The following KYNU variants were observed in gnomAD, a reference collection of about 807,000 sequenced individuals.
KYNU encodes L-kynurenine hydrolase.
KYNU carries 54 observed loss-of-function variants against 59.2 expected under a neutral mutation model. The ratio of observed to expected loss-of-function variants is 0.91; its 90% CI spans 0.73 to 1.14. KYNU has a LOEUF of 1.14. Among genes scored for constraint, KYNU ranks in the 50% most tolerant of loss-of-function variants. The probability of loss-of-function intolerance (pLI) is 0.00; values close to 1 mark genes in which losing one functional copy is unlikely to be tolerated. For synonymous variants in KYNU, 177 were observed against 192.0 expected, an observed-to-expected ratio of 0.92 and a Z score of 0.65; for missense variants, 567 against 554.4, an observed-to-expected ratio of 1.02 and a Z score of -0.23.
intron 4 of KYNU, among the ~76,000 whole-genome samples, chr2:142,929,240 T>A: frequency 6.7e-6 from 1 of 149,622 alleles, no homozygotes. Flanking sequence ...GAATTCTGAA[T>A]GGAATAGAAA....
At chr2:142,987,734 T>G (rs1685258882) in intron 10 of KYNU, among the ~76,000 whole-genome samples, 1 of 151,820 alleles carries the variant, frequency 6.6e-6, no homozygotes, top group African/African-American at 2.4e-5. Flanking sequence ...CACTTGAACA[T>G]TTAATATGGT....
intron 2 of KYNU, among the ~76,000 whole-genome samples, chr2:142,890,969 T>A (rs1426208204): frequency 6.6e-6 from 1 of 152,182 alleles, no homozygotes; most frequent in Non-Finnish European, 1.5e-5. Flanking sequence ...TAAGTGGTAA[T>A]GTTTCATTTT....
At chr2:142,937,078 G>A (rs1001212088) in intron 4 of KYNU, among the ~76,000 whole-genome samples, 15 of 152,142 alleles carry the variant, frequency 9.9e-5, no homozygotes, top group Admixed American at 7.9e-4. Context: ...CTAGTCTGTC[G>A]TAACTGCTAT....
At chr2:142,941,020 A>C (rs905612505) in intron 4 of KYNU, among the ~76,000 whole-genome samples, 2 of 152,218 alleles carry the variant, frequency 1.3e-5, no homozygotes, top group African/African-American at 4.8e-5. Flanking sequence ...CTTGGTACTT[A>C]AATGTGTTCA....
intron 4 of KYNU, among the ~76,000 whole-genome samples, chr2:142,953,735 T>A (rs1288564854): frequency 3.9e-5 from 6 of 152,192 alleles, no homozygotes; most frequent in Admixed American, 3.3e-4. Flanking sequence ...ACCTTGTCTG[T>A]CAAATGGAGA....
intron 3 of KYNU, among the ~76,000 whole-genome samples, chr2:142,927,278 A>G (rs755005262): frequency 1.3e-5 from 2 of 152,210 alleles, no homozygotes; most frequent in Non-Finnish European, 2.9e-5. Flanking sequence ...TTTAGTCTCT[A>G]GCCTTACAAA....
chr2:142,929,772 T>C (rs918868549), intron 4 of KYNU, among the ~76,000 whole-genome samples: 3 of 152,142 alleles, frequency 2.0e-5, no homozygotes, highest in African/African-American at 4.8e-5. Context: ...CTGGAATCAA[T>C]AGAAAGGAGT....
At chr2:142,970,337 C>T (rs16858429) in intron 8 of KYNU, among the ~76,000 whole-genome samples, 4,967 of 152,138 alleles carry the variant, frequency 0.033, 255 homozygotes, top group African/African-American at 0.11. Flanking sequence ...GCAGTGTCTT[C>T]GAGAATTGTC....
At chr2:142,907,416 A>C (rs940444293) in intron 2 of KYNU, among the ~76,000 whole-genome samples, 2 of 152,228 alleles carry the variant, frequency 1.3e-5, no homozygotes, top group Non-Finnish European at 2.9e-5. Flanking sequence ...TAGCCCGATC[A>C]GGAGTGGAAA....
rs757441564 is a variant in KYNU at position 143,044,617 on chromosome 2, C to G, written c.*2445C>G. ...AGTTTTTTTTCATATATTTGTTGGC[C>G]GCATAAATGTCTTCTTTTGAGAAGT... On this transcript the variant is annotated 3_prime_UTR_variant, in exon 14 of 14. Coordinates refer to ENST00000264170, the MANE Select transcript of KYNU (RefSeq NM_003937.3). The G allele has an allele frequency of 3.9e-5, 6 of 151,918 alleles. No individual in the cohort carries two copies. The South Asian group carries it at 1.2e-3, about 31-fold the overall frequency. The allele number at this position is 151,918 out of a possible 1,614,324, so 9.4% of individuals were successfully genotyped here.
At chr2:142,961,917 T>C (rs1452424101) in intron 8 of KYNU, among the ~76,000 whole-genome samples, 1 of 152,228 alleles carries the variant, frequency 6.6e-6, no homozygotes, top group Non-Finnish European at 1.5e-5. Context: ...CTAGTTAATA[T>C]ATTCAGTTAT....
At chr2:142,911,502 G>C (rs1321797240) in intron 2 of KYNU, among the ~76,000 whole-genome samples, 1 of 152,106 alleles carries the variant, frequency 6.6e-6, no homozygotes, top group Non-Finnish European at 1.5e-5. Flanking sequence ...CTTATCATTA[G>C]TAAAGATAGA....
intron 2 of KYNU, among the ~76,000 whole-genome samples, chr2:142,892,123 A>G (rs972427133): frequency 2.0e-4 from 31 of 152,208 alleles, no homozygotes; most frequent in African/African-American, 7.2e-4. Flanking sequence ...CATGTTGCCC[A>G]TGCTTGTCTC....
chr2:142,949,129 G>A (rs1008350545), intron 4 of KYNU, among the ~76,000 whole-genome samples: 2 of 152,226 alleles, frequency 1.3e-5, no homozygotes, highest in African/African-American at 4.8e-5. Flanking sequence ...TATGCAAGAG[G>A]TGGGTTCCCA....
intron 10 of KYNU, among the ~76,000 whole-genome samples, chr2:143,012,002 A>T (rs558148844): frequency 3.9e-4 from 58 of 149,016 alleles, no homozygotes; most frequent in African/African-American, 1.3e-3. Context: ...AGCATGGCAC[A>T]TGTATACATA....
At chr2:142,941,376 A>G (rs539269197) in intron 4 of KYNU, among the ~76,000 whole-genome samples, 2 of 152,346 alleles carry the variant, frequency 1.3e-5, no homozygotes, top group South Asian at 2.1e-4. Context: ...AAATTCATTT[A>G]GTTTTCTACA....
rs1442729578 is a variant in KYNU, at chr2:143,054,091, G to GT, written c.*11925dup. 6.6e-6 allele frequency: 1 copy of GT among 151,986 alleles called. No homozygotes were observed. Among genetic ancestry groups the GT allele is most frequent in the Non-Finnish European group, 1.5e-5 (1 of 67,988 alleles). 9.4% of individuals were successfully genotyped at this position (151,986 alleles called of 1,614,324 possible). ...GAGTGAGAGAGTAGAAATAACACTG[G>GT]TTTTTTCCCTATGTCCTTACAACCA... On this transcript the variant is annotated 3_prime_UTR_variant, in exon 14 of 14. Coordinates refer to ENST00000264170, the MANE Select transcript of KYNU (RefSeq NM_003937.3).
intron 3 of KYNU, among the ~76,000 whole-genome samples, chr2:142,924,886 T>C (rs990490398): frequency 6.6e-6 from 1 of 152,212 alleles, no homozygotes; most frequent in Non-Finnish European, 1.5e-5. Context: ...TTTGGGTTTA[T>C]TTGGGTAACA....
At chr2:142,929,573 G>A (rs1173595300) in intron 4 of KYNU, among the ~76,000 whole-genome samples, 1 of 152,146 alleles carries the variant, frequency 6.6e-6, no homozygotes, top group Non-Finnish European at 1.5e-5. Flanking sequence ...CTAAGAACAT[G>A]TGCCCAAGGT....
Sources: gnomAD v4.1 joint callset for allele counts (sites outside exome capture counted in the v4.1 genomes callset) on GRCh38, gnomAD v4.1.1 for gene constraint, MANE v1.5 for transcripts, NCBI Gene and HGNC (gene_info 2026-07-23, HGNC 2026-07-21) for gene names.